The following KLF7 variants were observed in gnomAD, a reference collection of about 807,000 sequenced individuals.
The protein encoded by KLF7 is KLF transcription factor 7, also known as Krueppel-like factor 7.
Under a neutral mutation model 27.3 loss-of-function variants are expected in KLF7, and 2 were observed. The ratio of observed to expected loss-of-function variants is 0.07; its 90% CI spans 0.03 to 0.23. The LOEUF (loss-of-function observed/expected upper bound fraction) is 0.23. KLF7 is among the 10% of genes least tolerant of loss of function. The pLI, the probability that KLF7 is intolerant of heterozygous loss-of-function variation, is 1.00. For synonymous variants in KLF7, 165 were observed against 162.4 expected (o/e 1.02, Z -0.12); for missense variants, 221 against 394.1 (o/e 0.56, Z 3.72).
At chr2:207,164,441 C>A (rs2078638741) in intron 1 of KLF7, among the ~76,000 whole-genome samples, 1 of 151,752 alleles carries the variant, frequency 6.6e-6, no homozygotes, top group Admixed American at 6.6e-5. Flanking sequence ...TTTTTAAATA[C>A]CCGTGTCCCC....
chr2:207,128,775 A>G (rs2077546966), intron 1 of KLF7, among the ~76,000 whole-genome samples: 1 of 152,212 alleles, frequency 6.6e-6, no homozygotes, highest in Admixed American at 6.5e-5. Context: ...ATTGAGGACT[A>G]TTCTACAAAG....
chr2:207,159,964 C>CAA (rs2078494878), intron 1 of KLF7, among the ~76,000 whole-genome samples: 1 of 152,042 alleles, frequency 6.6e-6, no homozygotes, highest in South Asian at 2.1e-4. Context: ...TGGGGCACAG[C>CAA]AAAATCACAA....
At chr2:207,085,907 G>A (rs1461009196) in intron 3 of KLF7, among the ~76,000 whole-genome samples, 2 of 150,722 alleles carry the variant, frequency 1.3e-5, no homozygotes, top group East Asian at 3.9e-4. Context: ...TGAGCCCACT[G>A]TGGCCAGATC....
chr2:207,131,621 G>A (rs958454163), intron 1 of KLF7, among the ~76,000 whole-genome samples: 5 of 152,208 alleles, frequency 3.3e-5, no homozygotes, highest in African/African-American at 1.2e-4. Context: ...TCTGACTCCA[G>A]AAACCAACTT....
upstream of KLF7, chr2:207,166,872 G>C: frequency 9.3e-7 from 1 of 1,075,964 alleles, no homozygotes; most frequent in Non-Finnish European, 1.1e-6. Context: ...AGAACAAAGG[G>C]GAGCGGAGCG....
intron 1 of KLF7, among the ~76,000 whole-genome samples, chr2:207,137,978 G>GA (rs1553535775): frequency 6.6e-6 from 1 of 152,102 alleles, no homozygotes; most frequent in Non-Finnish European, 1.5e-5. Context: ...ACATGACAGG[G>GA]AAAAAAATCA....
chr2:207,166,713 G>A, upstream of KLF7: 13 of 813,526 alleles, frequency 1.6e-5, no homozygotes, highest in Non-Finnish European at 1.8e-5. Flanking sequence ...CTGGGCACGG[G>A]GCAGGGACCC....
chr2:207,140,485 G>GA lies in KLF7; in HGVS notation c.103-16082dup, dbSNP rs770635115. ...TGTTCAAAACAGAAAATGCAGTGAG[G>GA]AAAAAAAAGCATGTAAGAAATAGAA... On this transcript the variant is annotated intron_variant, in intron 1 of 3. Transcript: ENST00000309446. Among the ~76,000 whole-genome samples, 6 of 151,408 alleles carry GA rather than the reference G, an allele frequency of 4.0e-5. 1 individual carries two copies. Among genetic ancestry groups the GA allele is most frequent in the Non-Finnish European group, 5.9e-5 (4 of 67,862 alleles).
At chr2:207,157,429 GA>G (rs5838053) in intron 1 of KLF7, among the ~76,000 whole-genome samples, 88,718 of 151,644 alleles carry the variant, frequency 0.59, 27,402 homozygotes, top group East Asian at 0.9. Context: ...GGAGGAAGAG[GA>G]AAAAGGCTAA....
intron 1 of KLF7, among the ~76,000 whole-genome samples, chr2:207,162,350 T>C (rs73985506): frequency 0.056 from 8,529 of 152,308 alleles, 355 homozygotes; most frequent in African/African-American, 0.11. Context: ...TTAAGGCTGG[T>C]AGTCTTAAGA....
Position 207,079,579 on chromosome 2 carries a change from G to T in KLF7, c.*1634C>A, listed in dbSNP as rs576616006. The T allele has an allele frequency of 5.8e-4, 88 of 152,426 alleles. No homozygotes were observed. The highest frequency in any genetic ancestry group is 1.8e-3 in the African/African-American group (76 of 41,570). The allele number at this position is 152,426 out of a possible 1,614,324, so 9.4% of individuals were successfully genotyped here. On this transcript the variant is annotated 3_prime_UTR_variant, in exon 4 of 4. Transcript: ENST00000309446. ...GGTCCTAAAGGCAGTCTTTGGAGTT[G>T]AGGCCAGTGCCAGCTAGCTAGGAAT... is the stretch of plus-strand genomic sequence containing the variant.
intron 1 of KLF7, among the ~76,000 whole-genome samples, chr2:207,145,298 T>C (rs939651636): frequency 6.6e-6 from 1 of 152,214 alleles, no homozygotes; most frequent in African/African-American, 2.4e-5. Flanking sequence ...TTTTTTCCAA[T>C]GGAAGAAATA....
intron 1 of KLF7, among the ~76,000 whole-genome samples, chr2:207,141,997 T>G (rs562794447): frequency 1.3e-5 from 2 of 151,992 alleles, no homozygotes; most frequent in Non-Finnish European, 2.9e-5. Context: ...CTGGAATCCC[T>G]GCTCTCAATA....
intron 2 of KLF7, among the ~76,000 whole-genome samples, chr2:207,113,494 T>C (rs1263624): frequency 0.17 from 25,472 of 149,690 alleles, 2,383 homozygotes; most frequent in East Asian, 0.34. Context: ...CCCTCCCCAC[T>C]GACTAAATCC....
intron 1 of KLF7, among the ~76,000 whole-genome samples, chr2:207,152,616 A>G (rs115097770): frequency 0.02 from 3,017 of 152,284 alleles, 117 homozygotes; most frequent in African/African-American, 0.068. Context: ...CTACAACAGA[A>G]CCTGAATGAC....
rs537893472 is a variant in KLF7, at chr2:207,158,535, T to C, written c.102+6932A>G. The stretch of plus-strand genomic sequence containing the variant: ...TGCTTTCTACTTCCATCTAGTTCTA[T>C]ATTCCATCCAACCCCCTACCACATA... On this transcript the variant is annotated intron_variant, in intron 1 of 3. Transcript: ENST00000309446. Among the ~76,000 whole-genome samples the C allele has an allele frequency of 2.0e-5, 3 of 152,308 alleles. No individual in the cohort carries two copies. In the South Asian group the frequency reaches 6.2e-4, roughly 32 times the overall value.
intron 2 of KLF7, among the ~76,000 whole-genome samples, chr2:207,095,255 A>G (rs987393945): frequency 2.0e-5 from 3 of 151,954 alleles, no homozygotes; most frequent in African/African-American, 7.3e-5. Context: ...TCACCGTGGT[A>G]GCCAGGATGG....
chr2:207,110,207 C>G (rs2105934318), intron 2 of KLF7: 1 of 154,214 alleles, frequency 6.5e-6, no homozygotes, highest in Middle Eastern at 6.9e-4. Context: ...GAAATAGCAC[C>G]TTTCTCCCTA....
intron 2 of KLF7, among the ~76,000 whole-genome samples, chr2:207,108,151 C>T (rs2076930095): frequency 6.6e-6 from 1 of 152,152 alleles, no homozygotes; most frequent in South Asian, 2.1e-4. Context: ...TGCTCATTAA[C>T]TATTCTTTTT....
Sources: allele counts gnomAD v4.1 joint callset (sites outside exome capture counted in the v4.1 genomes callset), GRCh38; gene constraint gnomAD v4.1.1; transcripts MANE v1.5; gene names NCBI Gene and HGNC (gene_info 2026-07-23, HGNC 2026-07-21).